Variants in CFAP46 observed in about 807,000 individuals in gnomAD.
The protein encoded by CFAP46 is cilia- and flagella-associated protein 46.
Under a neutral mutation model 325.7 loss-of-function variants are expected in CFAP46, and 245 were observed. The observed-to-expected ratio is 0.75, with a 90% CI of 0.68 to 0.84. The LOEUF (loss-of-function observed/expected upper bound fraction) is 0.84, where lower values mean the gene tolerates loss of function less well. Among genes scored for constraint, CFAP46 ranks in the 40% least tolerant of loss-of-function variants. CFAP46 has a pLI of 0.00. For synonymous variants in CFAP46, 1,523 were observed against 1,495.9 expected, an observed-to-expected ratio of 1.02 and a Z score of -0.42; for missense variants, 3,346 against 3,543.0, an observed-to-expected ratio of 0.94 and a Z score of 1.41.
chr10:132,863,737 T>G (rs1294098803), intron 35 of CFAP46, among the ~76,000 whole-genome samples: 75 of 123,752 alleles, frequency 6.1e-4, no homozygotes, highest in African/African-American at 2.1e-3. Flanking sequence ...CTGTCCCCCT[T>G]CCTGAGCCCT....
intron 12 of CFAP46, 24 bp downstream of exon 12, chr10:132,922,456 T>C (rs1274786994): frequency 2.0e-6 from 3 of 1,519,286 alleles, no homozygotes; most frequent in African/African-American, 2.8e-5. Context: ...GCACCCAGCC[T>C]CCCTCACTTC....
intron 35 of CFAP46, among the ~76,000 whole-genome samples, chr10:132,862,430 G>C (rs1174859914): frequency 1.4e-5 from 2 of 145,330 alleles, no homozygotes; most frequent in Middle Eastern, 3.5e-3. Context: ...GCAGGGAGAG[G>C]ACAGGGTGGG....
intron 8 of CFAP46, among the ~76,000 whole-genome samples, chr10:132,931,479 C>A (rs903874555): frequency 6.8e-6 from 1 of 146,802 alleles, no homozygotes; most frequent in Non-Finnish European, 1.5e-5. Flanking sequence ...AGAGCCTGGG[C>A]CTTCCTCCTC....
intron 31 of CFAP46, among the ~76,000 whole-genome samples, chr10:132,875,563 A>G (rs1430050866): frequency 2.6e-5 from 4 of 152,200 alleles, no homozygotes; most frequent in African/African-American, 9.7e-5. Context: ...AGAGACCCCA[A>G]AGCAGCCCCA....
chr10:132,844,835 G>A (rs1479363044), intron 44 of CFAP46, among the ~76,000 whole-genome samples: 2 of 152,184 alleles, frequency 1.3e-5, no homozygotes, highest in African/African-American at 4.8e-5. Context: ...TCCAGTAAGT[G>A]CTGCCCGGGG....
chr10:132,880,496 C>G (rs1269766567), intron 28 of CFAP46, among the ~76,000 whole-genome samples: 1 of 152,206 alleles, frequency 6.6e-6, no homozygotes, highest in Non-Finnish European at 1.5e-5. Flanking sequence ...TGCTCTGGAC[C>G]CCCGCTCCCC....
At chr10:132,923,909 G>C (rs1849766587) in intron 11 of CFAP46, among the ~76,000 whole-genome samples, 1 of 152,158 alleles carries the variant, frequency 6.6e-6, no homozygotes, top group Non-Finnish European at 1.5e-5. Flanking sequence ...AGCCAATAGA[G>C]AAAACTAAAT....
chr10:132,853,210 TGAGG>T (rs1448543280), intron 39 of CFAP46, among the ~76,000 whole-genome samples: 3 of 152,250 alleles, frequency 2.0e-5, no homozygotes, highest in African/African-American at 4.8e-5. Context: ...TTTATCAGGT[TGAGG>T]AAGTTTTCCT....
At chr10:132,835,079 T>C (rs1848217762) in intron 47 of CFAP46, among the ~76,000 whole-genome samples, 1 of 152,206 alleles carries the variant, frequency 6.6e-6, no homozygotes, top group South Asian at 2.1e-4. Flanking sequence ...CCCTCCTGTT[T>C]GTGCTTCAGG....
Position 132,892,365 on chromosome 10 carries a change from C to T in CFAP46, c.3272G>A (p.Gly1091Asp). ...LHQWPTADFQ[G>D]GGTTEGYFLP... ...AAAATATCCTTCGGTCGTCCCGCCA[C>T]CCTGGAAGTCGGCCGTGGGCCACTG... Residue 1091 changes from glycine to aspartate, a missense_variant, in exon 25 of 58, where the codon GGT becomes GAT. By Grantham distance (94) the Gly-to-Asp change is moderately conservative (BLOSUM62 -1). Transcript: ENST00000368586. 1 of 1,550,888 alleles carries T rather than the reference C, an allele frequency of 6.4e-7. No homozygotes were observed. Among genetic ancestry groups the T allele is most frequent in the Non-Finnish European group, 8.7e-7 (1 of 1,147,066 alleles).
At chr10:132,930,484 A>ACTCCCCACACAGAGCCTGGGCCTTCCTC in intron 8 of CFAP46, among the ~76,000 whole-genome samples, 1 of 86,310 alleles carries the variant, frequency 1.2e-5, no homozygotes, top group East Asian at 3.1e-4. Context: ...CCTTCCCCAT[A>ACTCCCCACACAGAGCCTGGGCCTTCCTC]CTCCCCACAC....
At chr10:132,928,470 A>C (rs1017918061) in intron 9 of CFAP46, among the ~76,000 whole-genome samples, 1 of 152,188 alleles carries the variant, frequency 6.6e-6, no homozygotes, top group African/African-American at 2.4e-5. Flanking sequence ...GGTCCCTCCA[A>C]GGGCTGCCTG....
intron 15 of CFAP46, 126 bp from the exon 16 acceptor site, chr10:132,918,646 G>T: frequency 7.9e-7 from 1 of 1,272,088 alleles, no homozygotes; most frequent in Non-Finnish European, 1.0e-6. Context: ...CCGCCAAGGT[G>T]GGCGGGTAGG....
chr10:132,813,389 C>T (rs1206197485), intron 54 of CFAP46, among the ~76,000 whole-genome samples: 1 of 142,378 alleles, frequency 7.0e-6, no homozygotes, highest in Non-Finnish European at 1.5e-5. Context: ...CCCACCTCTG[C>T]ACACACCTGT....
intron 57 of CFAP46, among the ~76,000 whole-genome samples, chr10:132,809,515 C>T (rs952556993): frequency 6.6e-6 from 1 of 152,154 alleles, no homozygotes; most frequent in African/African-American, 2.4e-5. Context: ...TCCTTGGGAC[C>T]GGTATCCCCG....
chr10:132,818,607 C>T (rs974379895), intron 50 of CFAP46, among the ~76,000 whole-genome samples: 2 of 152,098 alleles, frequency 1.3e-5, no homozygotes, highest in Non-Finnish European at 2.9e-5. Flanking sequence ...AATCCCAGCA[C>T]TTTGGGAGGC....
In CFAP46 at chr10:132,869,776, G is replaced by A. The variant is rs533486716; in HGVS notation, c.4512-404C>T. On this transcript the variant is annotated intron_variant, in intron 32 of 57. Coordinates refer to ENST00000368586, the MANE Select transcript of CFAP46 (RefSeq NM_001200049.3). The surrounding 1 kb of genome is among the most constrained non-coding windows in gnomAD (Gnocchi z 6.2). ...CAGACACCAGGAAGCATCCCTGTGC[G>A]GGCCCCGGTGGTCCCTCTTAGCCCC... Among the ~76,000 whole-genome samples, 5 of 152,124 alleles carry A rather than the reference G, an allele frequency of 3.3e-5. No individual in the cohort carries two copies. Among genetic ancestry groups the A allele is most frequent in the South Asian group, 2.1e-4 (1 of 4,828 alleles).
intron 13 of CFAP46, among the ~76,000 whole-genome samples, chr10:132,921,520 GATCCAGGGAGCCCCGT>G (rs1849722091): frequency 2.0e-5 from 3 of 152,228 alleles, no homozygotes; most frequent in Non-Finnish European, 1.5e-5. Context: ...TGACCCCCGT[GATCCAGGGAGCCCCGT>G]CCTGTGCCTC....
intron 50 of CFAP46, among the ~76,000 whole-genome samples, chr10:132,823,212 G>A (rs1372877779): frequency 4.9e-5 from 7 of 141,942 alleles, no homozygotes; most frequent in Non-Finnish European, 9.2e-5. Context: ...TGTGTGTGCT[G>A]ATGTGTGCTG....
Sources: allele counts gnomAD v4.1 joint callset (sites outside exome capture counted in the v4.1 genomes callset), GRCh38; gene constraint gnomAD v4.1.1; non-coding constraint Gnocchi (gnomAD v3.1); transcripts MANE v1.5; gene names NCBI Gene and HGNC (gene_info 2026-07-23, HGNC 2026-07-21).